ZC3H14: variants seen among roughly 807,000 people sequenced by gnomAD.
The protein encoded by ZC3H14 is zinc finger CCCH domain-containing protein 14.
A neutral mutation model predicts 92.4 loss-of-function variants in ZC3H14; 31 were observed. The ratio of observed to expected loss-of-function variants is 0.34; its 90% confidence interval spans 0.25 to 0.45. The LOEUF (loss-of-function observed/expected upper bound fraction) is 0.45, where lower values mean the gene tolerates loss of function less well. Among genes scored for constraint, ZC3H14 ranks in the 20% least tolerant of loss-of-function variants. The probability of loss-of-function intolerance (pLI) is 1.00; values close to 1 mark genes in which losing one functional copy is unlikely to be tolerated. For missense variants in ZC3H14, 781 were observed against 897.3 expected (o/e 0.87, Z 1.66); for synonymous variants, 321 against 300.9 (o/e 1.07, Z -0.69).
At chr14:88,607,449 C>T in intron 13 of ZC3H14, 86 bp downstream of exon 13, 1 of 1,508,726 alleles carries the variant, frequency 6.6e-7, no homozygotes, top group Non-Finnish European at 9.0e-7. Context: ...TCTCACCTGG[C>T]AAGTACCATC....
intron 2 of ZC3H14, among the ~76,000 whole-genome samples, chr14:88,567,425 T>TTC (rs1178864629): frequency 6.6e-6 from 1 of 151,032 alleles, no homozygotes; most frequent in Non-Finnish European, 1.5e-5. Flanking sequence ...TTTTTTCTTT[T>TTC]TTTTTTTTTT....
chr14:88,582,314 G>A (rs183463925), intron 9 of ZC3H14, among the ~76,000 whole-genome samples: 1 of 152,302 alleles, frequency 6.6e-6, no homozygotes, highest in East Asian at 1.9e-4. Flanking sequence ...CAGTCAGTTT[G>A]CAAGAAGTTG....
intron 10 of ZC3H14, among the ~76,000 whole-genome samples, chr14:88,600,041 A>G (rs1292056490): frequency 6.6e-6 from 1 of 152,234 alleles, no homozygotes; most frequent in Non-Finnish European, 1.5e-5. Context: ...CCCCACCTAC[A>G]GGTCAAATCT....
Position 88,622,870 on chromosome 14 carries a change from G to T in ZC3H14, c.*11119G>T. 4 of 492,296 alleles carry T rather than the reference G, an allele frequency of 8.1e-6. No individual in the cohort carries two copies. The highest frequency in any genetic ancestry group is 3.5e-6 in the Non-Finnish European group (1 of 282,682). 30.5% of individuals were successfully genotyped at this position (492,296 alleles called of 1,614,324 possible). ...CTAATATTCTTGTAAACTTTCTATG[G>T]CAATTTGAGGATATACTATATCTCA... On this transcript the variant is annotated 3_prime_UTR_variant, in exon 17 of 17. Coordinates refer to ENST00000251038, the MANE Select transcript of ZC3H14 (RefSeq NM_024824.5).
In ZC3H14 at chr14:88,609,770, TAAG is replaced by T; in HGVS notation, c.2069_2071del (p.Lys690del). ...AGCTCTGCCGTTACTTCCCTGCTTG[TAAG>T]AAGATGGAATGTCCCTTCTATCATC... On this transcript the variant is annotated inframe_deletion, in exon 15 of 17. Transcript: ENST00000251038. 1 of 1,614,182 alleles carries T rather than the reference TAAG, an allele frequency of 6.2e-7. No individual in the cohort carries two copies. The highest frequency in any genetic ancestry group is 8.5e-7 in the Non-Finnish European group (1 of 1,180,026).
intron 12 of ZC3H14, among the ~76,000 whole-genome samples, chr14:88,606,497 C>T (rs1418400531): frequency 6.6e-6 from 1 of 152,100 alleles, no homozygotes; most frequent in Non-Finnish European, 1.5e-5. Flanking sequence ...TGGCTGAGCG[C>T]GGTGGCTCAT....
rs118085990 is a variant in ZC3H14 at position 88,568,137 on chromosome 14, A to G, written c.178A>G (p.Ile60Val). 85 of 1,614,032 alleles carry G rather than the reference A, an allele frequency of 5.3e-5. No homozygotes were observed. The East Asian group carries it at 1.4e-3, about 26-fold the overall frequency. Reference sequence around the variant, plus strand: ...GTCCCTGTTTCTAGGGAACAACACAATTCGATTCACCGTATGGTATGTTTC... The same window carrying G: ...GTCCCTGTTTCTAGGGAACAACACAGTTCGATTCACCGTATGGTATGTTTC... ...DLSLFLGNNT[I>V]RFTVWLHGVL... Residue 60 changes from isoleucine (I) to valine (V), a missense_variant, in exon 3 of 17, where the codon ATT becomes GTT. Ile to Val is a conservative substitution (Grantham distance 29, BLOSUM62 3). This residue lies in a region of ZC3H14 where 106 missense variants were observed against 154.2 expected (regional missense o/e 0.69). Transcript: ENST00000251038.
chr14:88,592,651 C>T (rs1194043694), intron 9 of ZC3H14, among the ~76,000 whole-genome samples: 1 of 152,080 alleles, frequency 6.6e-6, no homozygotes, highest in Non-Finnish European at 1.5e-5. Context: ...CAGGCATATG[C>T]CACCACGCCT....
At chr14:88,605,844 C>T (rs1479316445) in intron 12 of ZC3H14, among the ~76,000 whole-genome samples, 1 of 152,152 alleles carries the variant, frequency 6.6e-6, no homozygotes, top group East Asian at 1.9e-4. Context: ...GACTGGTTGC[C>T]TGTTTTGCAT....
At position 88,596,774 on chromosome 14, in the gene ZC3H14, C is replaced by A. The variant is rs1349133504; in HGVS notation, c.1320C>A (p.Asp440Glu). Residue 440 changes from aspartate to glutamate, a missense_variant, in exon 10 of 17, where the codon GAC becomes GAA. Asp to Glu is a conservative substitution (Grantham distance 45). Around this residue, in one of 3 missense-constraint regions of ZC3H14, gnomAD observed 454 missense variants for 438.5 expected, o/e 1.04. Coordinates refer to ENST00000251038, the MANE Select transcript of ZC3H14 (RefSeq NM_024824.5). ...AATTATTATCCCGACTGCAAATCGA[C>A]CCAGTAATGGCAGAAACTCTGCAGA... ...QRQLLSRLQI[D>E]PVMAETLQMS... 3 of 1,613,908 alleles carry A rather than the reference C, an allele frequency of 1.9e-6. No individual in the cohort carries two copies. In the African/African-American group the frequency reaches 4.0e-5, roughly 22 times the overall value.
chr14:88,567,265 A>G (rs186262648), intron 2 of ZC3H14, among the ~76,000 whole-genome samples: 109 of 151,570 alleles, frequency 7.2e-4, no homozygotes, highest in Non-Finnish European at 1.3e-3. Context: ...ATAGGCGCTC[A>G]CCACCACACC....
intron 2 of ZC3H14, 66 bp downstream of exon 2, chr14:88,563,759 A>G: frequency 6.9e-7 from 1 of 1,458,202 alleles, no homozygotes; most frequent in Non-Finnish European, 9.6e-7. Flanking sequence ...ATTTTAGTGA[A>G]TGCGTATTTC....
In ZC3H14 at chr14:88,624,665, G is replaced by A. The variant is rs1223862208; in HGVS notation, c.*12914G>A. On this transcript the variant is annotated 3_prime_UTR_variant, in exon 17 of 17. Coordinates refer to ENST00000251038, the MANE Select transcript of ZC3H14 (RefSeq NM_024824.5). Reference sequence around the variant, plus strand: ...AACCCTGGCTCCAGATTCCCCCATGGGCCTCCTACTCAGCAAATCATACAC... The same window carrying A: ...AACCCTGGCTCCAGATTCCCCCATGAGCCTCCTACTCAGCAAATCATACAC... 4.0e-6 allele frequency: 1 copy of A among 249,408 alleles called. No individual in the cohort carries two copies. The highest frequency in any genetic ancestry group is 5.2e-5 in the Admixed American group (1 of 19,314). 15.4% of individuals were successfully genotyped at this position (249,408 alleles called of 1,614,324 possible).
intron 9 of ZC3H14, among the ~76,000 whole-genome samples, chr14:88,585,938 G>A (rs2082419433): frequency 1.3e-5 from 2 of 152,168 alleles, no homozygotes; most frequent in Non-Finnish European, 2.9e-5. Flanking sequence ...GGAGGCTGAG[G>A]CGGGTGGATC....
chr14:88,603,105 G>A, intron 12 of ZC3H14, 45 bp downstream of exon 12: 1 of 1,576,702 alleles, frequency 6.3e-7, no homozygotes, highest in South Asian at 1.1e-5. Context: ...ATTGTGAAGG[G>A]AATCTTTGAC....
At chr14:88,600,083 G>A (rs2140035824) in intron 10 of ZC3H14, among the ~76,000 whole-genome samples, 1 of 152,362 alleles carries the variant, frequency 6.6e-6, no homozygotes, top group Middle Eastern at 3.4e-3. Context: ...ACATGGGAGA[G>A]TCCCACAAAG....
At chr14:88,570,530 T>G (rs188313730) in intron 3 of ZC3H14, among the ~76,000 whole-genome samples, 1 of 152,354 alleles carries the variant, frequency 6.6e-6, no homozygotes, top group East Asian at 1.9e-4. Flanking sequence ...TTTAAGCAGT[T>G]AATATAAGCT....
chr14:88,574,971 C>A, intron 7 of ZC3H14, 118 bp downstream of exon 7: 1 of 1,464,090 alleles, frequency 6.8e-7, no homozygotes, highest in Non-Finnish European at 9.3e-7. Flanking sequence ...GAGTCTCGCT[C>A]TGTCAACCAG....
chr14:88,565,959 C>G (rs1426528256), intron 2 of ZC3H14, among the ~76,000 whole-genome samples: 4 of 137,764 alleles, frequency 2.9e-5, no homozygotes, highest in Non-Finnish European at 1.5e-5. Context: ...CCTCCGCCTC[C>G]CAGGTTCAAG....
Sources: allele counts gnomAD v4.1 joint callset (sites outside exome capture counted in the v4.1 genomes callset), GRCh38; gene constraint gnomAD v4.1.1; regional missense constraint gnomAD v4.1.1; transcripts MANE v1.5; gene names NCBI Gene and HGNC (gene_info 2026-07-23, HGNC 2026-07-21).